The following STXBP4 variants were observed in gnomAD, a reference collection of about 807,000 sequenced individuals.
STXBP4 encodes the protein syntaxin binding protein 4, also known as syntaxin-binding protein 4.
STXBP4 carries 55 observed loss-of-function variants against 76.1 expected under a neutral mutation model. The ratio of observed to expected loss-of-function variants is 0.72; its 90% confidence interval spans 0.58 to 0.91. The LOEUF (loss-of-function observed/expected upper bound fraction) is 0.91. Among genes scored for constraint, STXBP4 ranks in the 40% least tolerant of loss-of-function variants. The pLI, the probability that STXBP4 is intolerant of heterozygous loss-of-function variation, is 0.00. For synonymous variants in STXBP4, 201 were observed against 220.2 expected, an observed-to-expected ratio of 0.91 and a Z score of 0.77; for missense variants, 618 against 636.9, an observed-to-expected ratio of 0.97 and a Z score of 0.32.
chr17:54,973,213 G>A (rs1045087535), intron 1 of STXBP4, among the ~76,000 whole-genome samples: 3 of 152,206 alleles, frequency 2.0e-5, no homozygotes, highest in African/African-American at 7.2e-5. Flanking sequence ...CGGTTGGGTA[G>A]TGGCAGAGCT....
At chr17:54,969,585 C>T (rs775469274) in intron 1 of STXBP4, among the ~76,000 whole-genome samples, 10 of 152,110 alleles carry the variant, frequency 6.6e-5, no homozygotes, top group East Asian at 1.9e-4. Context: ...ATTCATATAA[C>T]GTCTTTCATG....
chr17:55,198,083 G>C, the STXBP4 span, among the ~76,000 whole-genome samples: 1 of 152,348 alleles, frequency 6.6e-6, no homozygotes, highest in Non-Finnish European at 1.5e-5. Flanking sequence ...ATACCCTCTA[G>C]AGGTTTCTCA....
chr17:55,034,087 C>A, intron 9 of STXBP4, 81 bp from the exon 10 acceptor site: 1 of 961,870 alleles, frequency 1.0e-6, no homozygotes, highest in South Asian at 1.9e-5. Context: ...AAATTTGAAA[C>A]CTTAGCAACT....
At chr17:54,973,422 A>G (rs2077427277) in intron 1 of STXBP4, among the ~76,000 whole-genome samples, 1 of 152,194 alleles carries the variant, frequency 6.6e-6, no homozygotes, top group Non-Finnish European at 1.5e-5. Flanking sequence ...TATTTGTAAG[A>G]TGGCATATTT....
At position 55,103,579 on chromosome 17, in the gene STXBP4, G is replaced by GT. The variant is rs36032034; in HGVS notation, c.1489+22406dup. The stretch of plus-strand genomic sequence containing the variant: ...CAGGTAGCATGATGCCTCCAGTTTT[G>GT]TTTTTTTTTTGCTTAGGATTGTCTT... On this transcript the variant is annotated intron_variant, in intron 16 of 17. Coordinates refer to ENST00000376352, the MANE Select transcript of STXBP4 (RefSeq NM_178509.6). Among the ~76,000 whole-genome samples, 388 of 143,376 alleles carry GT rather than the reference G, an allele frequency of 2.7e-3. 1 individual carries two copies. Among genetic ancestry groups the GT allele is most frequent in the Middle Eastern group, 7.2e-3 (2 of 278 alleles). The allele number at this position is 143,376 out of a possible 152,430, so 94.1% of individuals were successfully genotyped here.
In STXBP4 at chr17:54,999,447, T is replaced by C; in HGVS notation, c.283T>C (p.Leu95=). ...AAAAAGCATAATTACCGGAGCCAAG[T>C]TGAGGTAACTATACTATCCATGAGA... ...EAKSIITGAK[L]RLESAWEIAF... The change falls in exon 5 of 18, where the codon TTG becomes CTG. Residue 95 remains leucine (L), a synonymous_variant. Coordinates refer to ENST00000376352, the MANE Select transcript of STXBP4 (RefSeq NM_178509.6). 1 of 1,608,486 alleles carries C rather than the reference T, an allele frequency of 6.2e-7. No homozygotes were observed.
intron 4 of STXBP4, among the ~76,000 whole-genome samples, chr17:54,997,234 A>T (rs1488377730): frequency 6.6e-6 from 1 of 152,168 alleles, no homozygotes; most frequent in East Asian, 1.9e-4. Flanking sequence ...ATCAGCTAAG[A>T]TCTTATTCTA....
intron 16 of STXBP4, among the ~76,000 whole-genome samples, chr17:55,101,379 A>AT (rs2079563325): frequency 6.6e-6 from 1 of 152,210 alleles, no homozygotes; most frequent in African/African-American, 2.4e-5. Flanking sequence ...TAGAAGGGTG[A>AT]TTTTTTACCA....
the STXBP4 span, among the ~76,000 whole-genome samples, chr17:55,209,698 T>C: frequency 1.3e-5 from 2 of 152,182 alleles, no homozygotes; most frequent in Non-Finnish European, 2.9e-5. Flanking sequence ...CAATGCTGTT[T>C]CATATCTGAT....
At chr17:55,031,709 A>G (rs1441470336) in intron 9 of STXBP4, among the ~76,000 whole-genome samples, 1 of 152,270 alleles carries the variant, frequency 6.6e-6, no homozygotes, top group South Asian at 2.1e-4. Context: ...GGACCCCTGC[A>G]TATACCCAAA....
chr17:54,987,019 C>G (rs2077636126), intron 3 of STXBP4, among the ~76,000 whole-genome samples: 2 of 152,176 alleles, frequency 1.3e-5, no homozygotes. Context: ...TCCAAATACC[C>G]AGTTTCCTCA....
At chr17:55,040,340 A>C (rs2078676556) in intron 10 of STXBP4, among the ~76,000 whole-genome samples, 1 of 152,142 alleles carries the variant, frequency 6.6e-6, no homozygotes, top group Admixed American at 6.6e-5. Flanking sequence ...GAGCAGGGAA[A>C]TGGAAAGAGA....
At chr17:55,022,134 T>G (rs550727028) in intron 8 of STXBP4, among the ~76,000 whole-genome samples, 36 of 152,010 alleles carry the variant, frequency 2.4e-4, no homozygotes, top group Non-Finnish European at 2.8e-4. Context: ...TTTAAAATAG[T>G]TTTGTTCATC....
rs554158222 is a variant in STXBP4, at chr17:55,069,443, G to A, written c.1012-3457G>A. ...GGCTCAGTTGTTACTGACATAGGAG[G>A]CTGTACAGTTATTTATTAGAAGACA... On this transcript the variant is annotated intron_variant, in intron 12 of 17. Coordinates refer to ENST00000376352, the MANE Select transcript of STXBP4 (RefSeq NM_178509.6). 6.6e-5 allele frequency among the ~76,000 whole-genome samples: 10 copies of A among 152,220 alleles called. No individual in the cohort carries two copies. In the South Asian group the frequency reaches 1.9e-3, roughly 28 times the overall value.
rs1567790079 is a variant in STXBP4 at position 55,166,422 on chromosome 17, T to G, written c.*6511T>G. ...TTTCTATAACACAAAATTGCTTCTA[T>G]TCCTCCCTTGCTAGTCTTCAGTAGT... On this transcript the variant is annotated 3_prime_UTR_variant, in exon 18 of 18. Coordinates refer to ENST00000376352, the MANE Select transcript of STXBP4 (RefSeq NM_178509.6). The G allele has an allele frequency of 6.6e-6, 1 of 152,214 alleles. No individual in the cohort carries two copies. Among genetic ancestry groups the G allele is most frequent in the Admixed American group, 6.5e-5 (1 of 15,284 alleles). 9.4% of individuals were successfully genotyped at this position (152,214 alleles called of 1,614,324 possible).
chr17:55,032,750 G>A (rs1056820169), intron 9 of STXBP4, among the ~76,000 whole-genome samples: 9 of 152,098 alleles, frequency 5.9e-5, no homozygotes, highest in Non-Finnish European at 1.0e-4. Flanking sequence ...GTCATCACTC[G>A]TAATATGCAC....
At chr17:54,990,703 T>C in intron 3 of STXBP4, 122 bp from the exon 4 acceptor site, 1 of 1,207,866 alleles carries the variant, frequency 8.3e-7, no homozygotes, top group Non-Finnish European at 1.1e-6. Context: ...AAGTCCCTGG[T>C]ACCAAAAAAG....
chr17:55,032,374 A>T (rs1449208580), intron 9 of STXBP4, among the ~76,000 whole-genome samples: 2 of 152,202 alleles, frequency 1.3e-5, no homozygotes, highest in African/African-American at 4.8e-5. Context: ...GTAAAATCAC[A>T]ATATCTAAGG....
intron 16 of STXBP4, among the ~76,000 whole-genome samples, chr17:55,110,720 T>C (rs906626005): frequency 3.9e-5 from 6 of 152,216 alleles, no homozygotes; most frequent in Non-Finnish European, 8.8e-5. Flanking sequence ...AACAAAGGTG[T>C]AGTGTTCCAA....
Sources: gnomAD v4.1 joint callset for allele counts (sites outside exome capture counted in the v4.1 genomes callset) on GRCh38, gnomAD v4.1.1 for gene constraint, MANE v1.5 for transcripts, NCBI Gene and HGNC (gene_info 2026-07-23, HGNC 2026-07-21) for gene names.